Variants in DYSF observed in about 807,000 individuals in gnomAD.
DYSF encodes dystrophy-associated fer-1-like 1.
DYSF carries 212 observed loss-of-function variants against 274.9 expected under a neutral mutation model. That is an observed-to-expected ratio of 0.77 (90% CI 0.69 to 0.86). The LOEUF is 0.86. Ranked by LOEUF, DYSF falls within the 40% of genes least tolerant of loss-of-function variation. The pLI is 0.00. For synonymous variants in DYSF, 1,091 were observed against 1,078.7 expected, an observed-to-expected ratio of 1.01 and a Z score of -0.22; for missense variants, 2,666 against 2,783.2, an observed-to-expected ratio of 0.96 and a Z score of 0.95.
At position 71,513,746 on chromosome 2, in the gene DYSF, A is replaced by G; in HGVS notation, c.584A>G (p.Gln195Arg). 2.5e-6 allele frequency: 4 copies of G among 1,614,162 alleles called. No individual in the cohort carries two copies. Among genetic ancestry groups the G allele is most frequent in the Non-Finnish European group, 3.4e-6 (4 of 1,180,006 alleles). Residue 195 changes from glutamine to arginine, a missense_variant, in exon 7 of 56, where the codon CAG becomes CGG. Gln to Arg is a conservative substitution (Grantham distance 43, BLOSUM62 1). Around this residue, in one of 3 missense-constraint regions of DYSF, gnomAD observed 794 missense variants for 777.1 expected, o/e 1.02. Transcript: ENST00000410020. Reference protein sequence around the residue: ...DTGGEEDTEDQGLTGDEAEPF... With the variant: ...DTGGEEDTEDRGLTGDEAEPF... Reference sequence around the variant, plus strand: ...GGAGGAGAGGAAGACACAGAGGACCAGGGACTCACTGGAGATGAGGCGGAG... The same window carrying G: ...GGAGGAGAGGAAGACACAGAGGACCGGGGACTCACTGGAGATGAGGCGGAG...
chr2:71,480,679 G>T (rs1016431827), intron 1 of DYSF, among the ~76,000 whole-genome samples: 4 of 152,146 alleles, frequency 2.6e-5, no homozygotes, highest in Non-Finnish European at 5.9e-5. Flanking sequence ...GCATGTTTCT[G>T]ATGTCCCAGA....
intron 24 of DYSF, 92 bp from the exon 25 acceptor site, chr2:71,567,859 C>T: frequency 1.3e-6 from 2 of 1,557,422 alleles, no homozygotes; most frequent in Non-Finnish European, 1.7e-6. Flanking sequence ...CCTGCTCTAC[C>T]CAGGCTTGGA....
rs527961202 is a variant in DYSF at position 71,636,349 on chromosome 2, A to G, written c.4528-7616A>G. Among the ~76,000 whole-genome samples, 3 of 152,234 alleles carry G rather than the reference A, an allele frequency of 2.0e-5. No homozygotes were observed. In the East Asian group the frequency reaches 5.8e-4, roughly 30 times the overall value. ...GGCCAGTTAGGAAACTGCTGCAGTC[A>G]TCCCACATGGGATGATGGGGCTGGA... On this transcript the variant is annotated intron_variant, in intron 41 of 55. Coordinates refer to ENST00000410020, the MANE Select transcript of DYSF (RefSeq NM_001130987.2).
At chr2:71,519,100 A>G (rs1163351181) in intron 10 of DYSF, among the ~76,000 whole-genome samples, 7 of 123,750 alleles carry the variant, frequency 5.7e-5, no homozygotes, top group Non-Finnish European at 1.2e-4. Flanking sequence ...CTCAAAAAAA[A>G]AAAAAAAAAA....
chr2:71,547,781 G>A (rs1022853185), intron 17 of DYSF, among the ~76,000 whole-genome samples: 1 of 152,186 alleles, frequency 6.6e-6, no homozygotes, highest in Admixed American at 6.5e-5. Flanking sequence ...ATGGGATTAG[G>A]GGGACATCTG....
chr2:71,569,192 C>G (rs1032192804), intron 26 of DYSF, among the ~76,000 whole-genome samples: 1 of 152,210 alleles, frequency 6.6e-6, no homozygotes, highest in Non-Finnish European at 1.5e-5. Flanking sequence ...TATTCTTAAG[C>G]CTTCGTTCTG....
At chr2:71,643,794 G>A (rs192714548) in intron 41 of DYSF, among the ~76,000 whole-genome samples, 171 bp from the exon 42 acceptor site, 10 of 152,330 alleles carry the variant, frequency 6.6e-5, no homozygotes, top group Admixed American at 6.5e-4. Context: ...TCAGTCTGCA[G>A]TCTTTGCCCC....
rs754564902 is a variant in DYSF, at chr2:71,598,731, G to A, written c.3742G>A (p.Asp1248Asn). Residue 1248 changes from aspartate (D) to asparagine (N), a missense_variant, in exon 33 of 56, where the codon GAC (aspartate) becomes AAC (asparagine). By Grantham distance (23) the Asp-to-Asn change is conservative. Coordinates refer to ENST00000410020, the MANE Select transcript of DYSF (RefSeq NM_001130987.2). Reference protein sequence around the residue: ...QPPSIVVELYDHDTYGADEFM... With the variant: ...QPPSIVVELYNHDTYGADEFM... Reference sequence around the variant, plus strand: ...GCCCAGCATTGTGGTGGAGCTGTACGACCATGACACTTATGTGAGTCTGCC... The same window carrying A: ...GCCCAGCATTGTGGTGGAGCTGTACAACCATGACACTTATGTGAGTCTGCC... The A allele has an allele frequency of 5.0e-6, 8 of 1,612,598 alleles. No homozygotes were observed. The highest frequency in any genetic ancestry group is 4.4e-5 in the South Asian group (4 of 91,064).
chr2:71,535,217 T>C lies in DYSF; in HGVS notation c.1450-51T>C, dbSNP rs760720391. ...TTCAGCTCGGGGTAGGGAGGGGCTG[T>C]TCTATCTTCAAAAGGACTCTTCTCC... On this transcript the variant is annotated intron_variant, in intron 15 of 55. Transcript: ENST00000410020. The C allele has an allele frequency of 1.9e-6, 3 of 1,604,778 alleles. No individual in the cohort carries two copies. In the South Asian group the frequency reaches 3.3e-5, roughly 18 times the overall value.
At position 71,593,333 on chromosome 2, in the gene DYSF, G is replaced by C. The variant is rs181002146; in HGVS notation, c.3574+3045G>C. Among the ~76,000 whole-genome samples the C allele has an allele frequency of 9.9e-5, 15 of 152,112 alleles. No homozygotes were observed. In the East Asian group the frequency reaches 1.9e-3, roughly 20 times the overall value. ...ATTAGTAGAGATGAGATTTCCCCTTGTTGGCCAGGCTGGTCTTGAACTCCT... is the reference window on the plus strand; with the variant it reads ...ATTAGTAGAGATGAGATTTCCCCTTCTTGGCCAGGCTGGTCTTGAACTCCT... On this transcript the variant is annotated intron_variant, in intron 32 of 55. Transcript: ENST00000410020.
chr2:71,553,830 TG>T lies in DYSF; in HGVS notation c.2012del (p.Gly671ValfsTer3). 1 of 1,415,058 alleles carries T rather than the reference TG, an allele frequency of 7.1e-7. No individual in the cohort carries two copies. The highest frequency in any genetic ancestry group is 3.7e-5 in the East Asian group (1 of 26,780). 87.7% of individuals were successfully genotyped at this position (1,415,058 alleles called of 1,614,324 possible). ...FDGCHYYYLPWGNVKPVVVLS... is the reference protein window; with the variant it reads ...FDGCHYYYLPXGNVKPVVVLS... Reference sequence around the variant, plus strand: ...AGGGTGCCACTACTACTACCTACCCTGGGGTAACGTGAAACCTGTGGTGGTG... The same window carrying T: ...AGGGTGCCACTACTACTACCTACCCTGGGTAACGTGAAACCTGTGGTGGTG... On this transcript the variant is annotated frameshift_variant, in exon 21 of 56. Coordinates refer to ENST00000410020, the MANE Select transcript of DYSF (RefSeq NM_001130987.2). LOFTEE classifies it high-confidence loss of function.
intron 4 of DYSF, among the ~76,000 whole-genome samples, 179 bp downstream of exon 4, chr2:71,503,498 G>A (rs1256329804): frequency 2.0e-5 from 3 of 152,102 alleles, no homozygotes; most frequent in African/African-American, 4.8e-5. Flanking sequence ...GGGGAGATGG[G>A]AAGGGCAGAG....
At chr2:71,472,153 T>G (rs2082079344) in intron 1 of DYSF, among the ~76,000 whole-genome samples, 1 of 152,336 alleles carries the variant, frequency 6.6e-6, no homozygotes, top group East Asian at 1.9e-4. Context: ...ATCCAGTGCT[T>G]AAATTATACA....
At chr2:71,536,404 G>T (rs1410640346) in intron 16 of DYSF, among the ~76,000 whole-genome samples, 1 of 152,256 alleles carries the variant, frequency 6.6e-6, no homozygotes, top group African/African-American at 2.4e-5. Flanking sequence ...GGCCTGTGAG[G>T]GAGAGGCCGC....
At chr2:71,570,825 A>G (rs1210832094) in intron 29 of DYSF, 84 bp downstream of exon 29, 2 of 1,574,908 alleles carry the variant, frequency 1.3e-6, no homozygotes, top group African/African-American at 1.3e-5. Flanking sequence ...ATGCCCACAG[A>G]CACATGCATG....
chr2:71,678,600 A>G (rs1434816468), intron 52 of DYSF, among the ~76,000 whole-genome samples: 1 of 152,162 alleles, frequency 6.6e-6, no homozygotes, highest in Non-Finnish European at 1.5e-5. Context: ...AGTTTTAGAA[A>G]TAGTAGTGAT....
intron 48 of DYSF, among the ~76,000 whole-genome samples, chr2:71,667,741 G>C (rs1488293495): frequency 6.6e-6 from 1 of 152,148 alleles, no homozygotes; most frequent in Admixed American, 6.5e-5. Context: ...GCGAAACGAG[G>C]CTGAGCTTCT....
At chr2:71,491,829 T>C (rs2083880602) in intron 3 of DYSF, among the ~76,000 whole-genome samples, 1 of 152,208 alleles carries the variant, frequency 6.6e-6, no homozygotes, top group Admixed American at 6.5e-5. Flanking sequence ...GGCATTTAGG[T>C]TGATTCTATG....
At chr2:71,590,654 C>T (rs893250255) in intron 32 of DYSF, among the ~76,000 whole-genome samples, 2 of 152,144 alleles carry the variant, frequency 1.3e-5, no homozygotes, top group African/African-American at 4.8e-5. Context: ...CTCTGGGCAC[C>T]GGGGTCCCCC....
Sources: allele counts gnomAD v4.1 joint callset (sites outside exome capture counted in the v4.1 genomes callset), GRCh38; gene constraint gnomAD v4.1.1; regional missense constraint gnomAD v4.1.1; transcripts MANE v1.5; gene names NCBI Gene and HGNC (gene_info 2026-07-23, HGNC 2026-07-21).